PTPRT: variants seen among roughly 807,000 people sequenced by gnomAD.
The protein encoded by PTPRT is receptor-type tyrosine-protein phosphatase T.
In PTPRT, 56 loss-of-function variants were observed where a neutral mutation model predicts 176.8. The ratio of observed to expected loss-of-function variants is 0.32; its 90% CI spans 0.26 to 0.40. The LOEUF (loss-of-function observed/expected upper bound fraction) is 0.40. Ranked by LOEUF, PTPRT falls within the 10% of genes least tolerant of loss-of-function variation. The pLI, the probability that PTPRT is intolerant of heterozygous loss-of-function variation, is 1.00. For missense variants in PTPRT, 1,540 were observed against 1,908.2 expected, an observed-to-expected ratio of 0.81 and a Z score of 3.60; for synonymous variants, 783 against 739.0, an observed-to-expected ratio of 1.06 and a Z score of -0.96.
At chr20:42,277,312 C>T (rs988806143) in intron 13 of PTPRT, among the ~76,000 whole-genome samples, 30 of 152,170 alleles carry the variant, frequency 2.0e-4, no homozygotes, top group East Asian at 3.9e-4. Context: ...CTCAATGACT[C>T]GGCTCAGTTT....
In PTPRT at chr20:42,672,600, A is replaced by G. The variant is rs114556137; in HGVS notation, c.1153+5266T>C. On this transcript the variant is annotated intron_variant, in intron 7 of 30. Transcript: ENST00000373187. ...CCCAACCCCACATCCCTCGATTCCT[A>G]TCTGATCATCTGTACAGTTTCTGGT... 4.6e-5 allele frequency among the ~76,000 whole-genome samples: 7 copies of G among 152,130 alleles called. No homozygotes were observed. In the South Asian group the frequency reaches 1.2e-3, roughly 27 times the overall value.
chr20:43,035,118 G>C (rs1159031318), intron 1 of PTPRT, among the ~76,000 whole-genome samples: 1 of 152,138 alleles, frequency 6.6e-6, no homozygotes, highest in Non-Finnish European at 1.5e-5. Context: ...CTGCAACTCT[G>C]AAACCTCAGG....
At chr20:43,009,788 G>A (rs1046370597) in intron 1 of PTPRT, among the ~76,000 whole-genome samples, 3 of 152,132 alleles carry the variant, frequency 2.0e-5, no homozygotes, top group Non-Finnish European at 2.9e-5. Flanking sequence ...CATAAATTCT[G>A]ATCATCTGAC....
intron 1 of PTPRT, among the ~76,000 whole-genome samples, chr20:43,025,241 G>T (rs566730435): frequency 2.6e-5 from 4 of 152,250 alleles, no homozygotes; most frequent in Admixed American, 6.5e-5. Context: ...GTTTTACTTG[G>T]CTTGTGCACA....
chr20:42,910,760 A>G (rs2079533954), intron 1 of PTPRT, among the ~76,000 whole-genome samples: 1 of 152,192 alleles, frequency 6.6e-6, no homozygotes, highest in South Asian at 2.1e-4. Context: ...CTTTGAAATG[A>G]CTTTCAAAAG....
Position 43,189,783 on chromosome 20 carries a change from G to C in PTPRT, c.-50C>G, listed in dbSNP as rs997093587. On this transcript the variant is annotated 5_prime_UTR_variant, in exon 1 of 31. Coordinates refer to ENST00000373187, the MANE Select transcript of PTPRT (RefSeq NM_007050.6). The surrounding 1 kb of genome is among the most constrained non-coding windows in gnomAD (Gnocchi z 5.0). ...CCCTTCCCGCGGGGGCCGGGGCCGG[G>C]ACTGGGGCGGGCGCGGGGTGGCCCC... The C allele has an allele frequency of 5.6e-5, 59 of 1,045,766 alleles. No individual in the cohort carries two copies. Among genetic ancestry groups the C allele is most frequent in the Non-Finnish European group, 6.6e-5 (57 of 859,688 alleles). 64.8% of individuals were successfully genotyped at this position (1,045,766 alleles called of 1,614,324 possible).
chr20:43,157,200 A>C (rs1347787107), intron 1 of PTPRT, among the ~76,000 whole-genome samples: 1 of 61,982 alleles, frequency 1.6e-5, no homozygotes, highest in Non-Finnish European at 3.0e-5. Context: ...CTAAAAATAC[A>C]AAAAAAAAAA....
chr20:42,664,340 T>G (rs2075276839), intron 7 of PTPRT, among the ~76,000 whole-genome samples: 2 of 152,288 alleles, frequency 1.3e-5, no homozygotes, highest in East Asian at 1.9e-4. Flanking sequence ...TGCTTTTTGA[T>G]TTTAGTTAAC....
At chr20:42,519,075 C>T (rs937603083) in intron 7 of PTPRT, among the ~76,000 whole-genome samples, 1 of 152,084 alleles carries the variant, frequency 6.6e-6, no homozygotes, top group Non-Finnish European at 1.5e-5. Flanking sequence ...CACAGAACAT[C>T]TCCAGCACCA....
At chr20:42,810,708 T>C (rs1000445103) in intron 2 of PTPRT, among the ~76,000 whole-genome samples, 3 of 152,208 alleles carry the variant, frequency 2.0e-5, no homozygotes, top group African/African-American at 7.2e-5. Flanking sequence ...GGGCATCAGA[T>C]TCACTGCAAG....
chr20:42,194,009 G>C (rs549228916), intron 16 of PTPRT, among the ~76,000 whole-genome samples: 1 of 152,246 alleles, frequency 6.6e-6, no homozygotes, highest in South Asian at 2.1e-4. Context: ...GGCCATGAAA[G>C]CTCTCTGAAC....
At chr20:43,058,497 A>G (rs919064259) in intron 1 of PTPRT, among the ~76,000 whole-genome samples, 1 of 152,200 alleles carries the variant, frequency 6.6e-6, no homozygotes, top group Non-Finnish European at 1.5e-5. Context: ...ATGGAAAATG[A>G]CATTGAACAA....
chr20:42,554,281 A>C (rs1439666297), intron 7 of PTPRT, among the ~76,000 whole-genome samples: 1 of 152,014 alleles, frequency 6.6e-6, no homozygotes, highest in Non-Finnish European at 1.5e-5. Context: ...GTACCCCCAA[A>C]CCTACTGAAA....
At position 42,989,892 on chromosome 20, in the gene PTPRT, C is replaced by T. The variant is rs147211815; in HGVS notation, c.89-103960G>A. On this transcript the variant is annotated intron_variant, in intron 1 of 30. Coordinates refer to ENST00000373187, the MANE Select transcript of PTPRT (RefSeq NM_007050.6). The stretch of plus-strand genomic sequence containing the variant: ...AACCTCCAGTCACAGAAGGTCACAC[C>T]ACAGTCACATCCCCTTGGGCTTCTC... Among the ~76,000 whole-genome samples the T allele has an allele frequency of 4.2e-3, 640 of 152,330 alleles. 3 individuals are homozygous for T. Among genetic ancestry groups the T allele is most frequent in the African/African-American group, 0.013 (531 of 41,580 alleles).
intron 7 of PTPRT, among the ~76,000 whole-genome samples, chr20:42,609,260 G>C (rs1223341906): frequency 6.6e-6 from 1 of 151,960 alleles, no homozygotes; most frequent in African/African-American, 2.4e-5. Context: ...TTTTAGAGGA[G>C]ACAGGATTTC....
intron 1 of PTPRT, among the ~76,000 whole-genome samples, chr20:42,943,254 A>G (rs1287720949): frequency 6.6e-6 from 1 of 152,186 alleles, no homozygotes; most frequent in Non-Finnish European, 1.5e-5. Context: ...GAGAAGTCCC[A>G]AACACTCAAT....
intron 6 of PTPRT, among the ~76,000 whole-genome samples, chr20:42,702,358 G>A (rs950652789): frequency 5.3e-5 from 8 of 152,118 alleles, no homozygotes; most frequent in Non-Finnish European, 1.0e-4. Flanking sequence ...GGATCAACAC[G>A]GATAATAAAG....
chr20:43,109,440 G>A (rs1416459694), intron 1 of PTPRT, among the ~76,000 whole-genome samples: 1 of 152,088 alleles, frequency 6.6e-6, no homozygotes, highest in Non-Finnish European at 1.5e-5. Flanking sequence ...TCGACTCTGA[G>A]CACTTAGTTG....
At chr20:42,065,146 C>T in the PTPRT span, among the ~76,000 whole-genome samples, 1 of 152,232 alleles carries the variant, frequency 6.6e-6, no homozygotes, top group Non-Finnish European at 1.5e-5. Flanking sequence ...TCTGTAACCA[C>T]ATGAAAGACC....
Sources: gnomAD v4.1 joint callset for allele counts (sites outside exome capture counted in the v4.1 genomes callset) on GRCh38, gnomAD v4.1.1 for gene constraint, Gnocchi (gnomAD v3.1) non-coding constraint, MANE v1.5 for transcripts, NCBI Gene and HGNC (gene_info 2026-07-23, HGNC 2026-07-21) for gene names.